ZNF782: variants seen among roughly 807,000 people sequenced by gnomAD.
The protein encoded by ZNF782 is zinc finger protein 782.
In ZNF782, 12 loss-of-function variants were observed where a neutral mutation model predicts 13.0. The observed-to-expected ratio is 0.92, with a 90% CI of 0.59 to 1.50. The LOEUF (loss-of-function observed/expected upper bound fraction) is 1.50. Among genes scored for constraint, ZNF782 ranks in the 40% most tolerant of loss-of-function variants. The pLI, the probability that ZNF782 is intolerant of heterozygous loss-of-function variation, is 0.00. For synonymous variants in ZNF782, 284 were observed against 283.0 expected (o/e 1.00, Z -0.04); for missense variants, 770 against 822.9 (o/e 0.94, Z 0.79).
At chr9:96,878,303 G>T (rs1851918929), upstream of ZNF782, among the ~76,000 whole-genome samples, 1 of 152,202 alleles carries the variant, frequency 6.6e-6, no homozygotes, top group Non-Finnish European at 1.5e-5. Flanking sequence ...GCCTGTCTTG[G>T]CCTCCCAAAG....
chr9:96,829,133 G>A (rs980634327), intron 4 of ZNF782, among the ~76,000 whole-genome samples: 1 of 147,878 alleles, frequency 6.8e-6, no homozygotes, highest in African/African-American at 2.5e-5. Context: ...CAACTGATGT[G>A]TATTACGAGA....
At chr9:96,841,028 A>G (rs1851173246) in intron 4 of ZNF782, among the ~76,000 whole-genome samples, 1 of 151,990 alleles carries the variant, frequency 6.6e-6, no homozygotes, top group South Asian at 2.1e-4. Context: ...AAAATAAAAG[A>G]GCAAGAAGAC....
At chr9:96,925,858 T>A in the ZNF782 span, among the ~76,000 whole-genome samples, 1 of 148,488 alleles carries the variant, frequency 6.7e-6, no homozygotes, top group Non-Finnish European at 1.5e-5. Flanking sequence ...ATTCCTCTAC[T>A]GTTCAGTGAT....
At chr9:96,927,176 G>A in the ZNF782 span, among the ~76,000 whole-genome samples, 1 of 152,210 alleles carries the variant, frequency 6.6e-6, no homozygotes, top group African/African-American at 2.4e-5. Context: ...TTGTGATGAA[G>A]ATGAGGACAG....
chr9:96,818,435 CTG>C lies in ZNF782; in HGVS notation c.1586_1587del (p.Thr529ArgfsTer8). 1 of 1,614,158 alleles carries C rather than the reference CTG, an allele frequency of 6.2e-7. No homozygotes were observed. Among genetic ancestry groups the C allele is most frequent in the African/African-American group, 1.3e-5 (1 of 75,040 alleles). On this transcript the variant is annotated frameshift_variant, in exon 6 of 6. Coordinates refer to ENST00000481138, the MANE Select transcript of ZNF782 (RefSeq NM_001001662.3). LOFTEE classifies it low-confidence loss of function (END_TRUNC). ...SGLRKHHRTH[T>X]GEKPYKCNQC... Reference sequence around the variant, plus strand: ...TGATTACATTTGTAGGGCTTCTCCCCTGTGTGTGTTCTATGATGTTTCCTCAG... The same window carrying C: ...TGATTACATTTGTAGGGCTTCTCCCCTGTGTGTTCTATGATGTTTCCTCAG...
At chr9:96,927,604 ACACTTT>A in the ZNF782 span, among the ~76,000 whole-genome samples, 39 of 151,318 alleles carry the variant, frequency 2.6e-4, no homozygotes, top group African/African-American at 9.1e-4. Flanking sequence ...CTAATATGTT[ACACTTT>A]TTTGGGAAGA....
chr9:96,836,077 C>G (rs1379088388), intron 4 of ZNF782, among the ~76,000 whole-genome samples: 1 of 152,234 alleles, frequency 6.6e-6, no homozygotes, highest in African/African-American at 2.4e-5. Flanking sequence ...TGGAAGGCTA[C>G]TCCTCACACC....
At chr9:96,866,123 T>C (rs957692451) in intron 1 of ZNF782, among the ~76,000 whole-genome samples, 1 of 152,194 alleles carries the variant, frequency 6.6e-6, no homozygotes, top group Non-Finnish European at 1.5e-5. Context: ...TTTGCATAAG[T>C]AATGAGGAGC....
intron 3 of ZNF782, among the ~76,000 whole-genome samples, chr9:96,845,755 C>A (rs1294812217): frequency 6.6e-6 from 1 of 152,078 alleles, no homozygotes; most frequent in African/African-American, 2.4e-5. Context: ...GAAAAGAAAA[C>A]AAAAAGTCTA....
At chr9:96,925,628 CAAAAA>C in the ZNF782 span, among the ~76,000 whole-genome samples, 4 of 85,592 alleles carry the variant, frequency 4.7e-5, no homozygotes, top group African/African-American at 1.1e-4. Flanking sequence ...GACTCTATCT[CAAAAA>C]AAAAAAAAAA....
At chr9:96,861,523 A>G (rs1851702548) in intron 2 of ZNF782, 1 of 154,148 alleles carries the variant, frequency 6.5e-6, no homozygotes, top group Admixed American at 6.6e-5. Flanking sequence ...AAGGGCAAAA[A>G]TTACCTGAGC....
intron 4 of ZNF782, among the ~76,000 whole-genome samples, chr9:96,834,551 ACT>A (rs1850923426): frequency 6.7e-6 from 1 of 150,106 alleles, no homozygotes; most frequent in African/African-American, 2.5e-5. Context: ...TCAGTTTCAC[ACT>A]CTTGCTTCCA....
At chr9:96,933,345 C>T in the ZNF782 span, among the ~76,000 whole-genome samples, 1 of 151,612 alleles carries the variant, frequency 6.6e-6, no homozygotes, top group East Asian at 1.9e-4. Flanking sequence ...CTTGGTGTGA[C>T]GTGAGCCACG....
rs1458108030 is a variant in ZNF782, at chr9:96,850,562, T to G, written c.15+1385A>C. Among the ~76,000 whole-genome samples, 1 of 152,196 alleles carries G rather than the reference T, an allele frequency of 6.6e-6. No homozygotes were observed. The stretch of plus-strand genomic sequence containing the variant: ...ACTACCTATAAGGCACAATGTACAC[T>G]ACTTGTCAGACCACGGGTGAACTAA... On this transcript the variant is annotated intron_variant, in intron 3 of 5. Coordinates refer to ENST00000481138, the MANE Select transcript of ZNF782 (RefSeq NM_001001662.3). This position sits in a 1 kb window ranked among gnomAD's most constrained non-coding sequence, Gnocchi z 4.3.
intron 4 of ZNF782, among the ~76,000 whole-genome samples, chr9:96,839,662 C>CA (rs2118657117): frequency 6.6e-6 from 1 of 151,728 alleles, no homozygotes; most frequent in African/African-American, 2.4e-5. Flanking sequence ...AATCACTCAC[C>CA]CCCCCCACCT....
rs746938461 is a variant in ZNF782 at position 96,851,943 on chromosome 9, T to C, written c.15+4A>G. The C allele has an allele frequency of 3.0e-5, 49 of 1,613,848 alleles. 1 individual carries two copies. In the South Asian group the frequency reaches 5.3e-4, roughly 17 times the overall value. The stretch of plus-strand genomic sequence containing the variant: ...ACAAAGTGGGGAATGAATAAAAAGC[T>C]TACCTGAAATGTGTTCATTTTCTGT... On this transcript the variant is annotated splice_donor_region_variant and intron_variant, in intron 3 of 5. Coordinates refer to ENST00000481138, the MANE Select transcript of ZNF782 (RefSeq NM_001001662.3).
the ZNF782 span, chr9:96,902,977 A>AT: frequency 6.7e-6 from 1 of 150,374 alleles, no homozygotes; most frequent in Non-Finnish European, 1.5e-5. Flanking sequence ...TAATTTTTCT[A>AT]TTTTTTGTAG....
chr9:96,901,742 T>C, the ZNF782 span, among the ~76,000 whole-genome samples: 1 of 151,382 alleles, frequency 6.6e-6, no homozygotes, highest in East Asian at 2.0e-4. Context: ...GCGTGGGGCA[T>C]GGTGGCACAC....
the ZNF782 span, among the ~76,000 whole-genome samples, chr9:96,912,678 G>A: frequency 6.6e-6 from 1 of 151,636 alleles, no homozygotes; most frequent in Admixed American, 6.6e-5. Context: ...ACAGGCGTAT[G>A]CCATCACGCC....
Sources: gnomAD v4.1 joint callset for allele counts (sites outside exome capture counted in the v4.1 genomes callset) on GRCh38, gnomAD v4.1.1 for gene constraint, Gnocchi (gnomAD v3.1) non-coding constraint, MANE v1.5 for transcripts, NCBI Gene and HGNC (gene_info 2026-07-23, HGNC 2026-07-21) for gene names.